Variants in NGLY1 observed in about 807,000 individuals in gnomAD.
NGLY1 encodes N-glycanase 1.
Under a neutral mutation model 84.6 loss-of-function variants are expected in NGLY1, and 68 were observed. That is an observed-to-expected ratio of 0.80 (90% CI 0.66 to 0.98). The LOEUF is 0.98. Among genes scored for constraint, NGLY1 ranks in the 50% least tolerant of loss-of-function variants. The pLI, the probability that NGLY1 is intolerant of heterozygous loss-of-function variation, is 0.00. For missense variants in NGLY1, 779 were observed against 770.2 expected (o/e 1.01, Z -0.14); for synonymous variants, 280 against 275.2 (o/e 1.02, Z -0.17).
At chr3:25,782,612 A>C (rs1208734649) in intron 1 of NGLY1, 1 of 152,212 alleles carries the variant, frequency 6.6e-6, no homozygotes, top group African/African-American at 2.4e-5. Flanking sequence ...TACCTCCACG[A>C]ATTCTTAAAG....
rs908185808 is a variant in NGLY1 at position 25,768,821 on chromosome 3, C to T, written c.247-4510G>A. On this transcript the variant is annotated intron_variant, in intron 2 of 11. Coordinates refer to ENST00000280700, the MANE Select transcript of NGLY1 (RefSeq NM_018297.4). Reference sequence around the variant, plus strand: ...CCTCCCAAAGTGCTGGGATTACAGGCGTGAGCCACGGCGCCTGGCCTCATG... The same window carrying T: ...CCTCCCAAAGTGCTGGGATTACAGGTGTGAGCCACGGCGCCTGGCCTCATG... 4.0e-5 allele frequency among the ~76,000 whole-genome samples: 6 copies of T among 151,648 alleles called. No homozygotes were observed. In the South Asian group the frequency reaches 8.4e-4, roughly 21 times the overall value.
chr3:25,774,650 T>C (rs73059761), intron 2 of NGLY1, among the ~76,000 whole-genome samples: 40 of 152,272 alleles, frequency 2.6e-4, no homozygotes, highest in Non-Finnish European at 5.4e-4. Flanking sequence ...GCTCCACCAA[T>C]AGCACCATGT....
At chr3:25,723,369 A>C (rs540767539) in intron 10 of NGLY1, among the ~76,000 whole-genome samples, 1 of 152,360 alleles carries the variant, frequency 6.6e-6, no homozygotes, top group African/African-American at 2.4e-5. Context: ...CTATGAGCAA[A>C]ATAAAAAAGG....
At chr3:25,763,456 C>T (rs1486522055) in intron 3 of NGLY1, among the ~76,000 whole-genome samples, 1 of 152,148 alleles carries the variant, frequency 6.6e-6, no homozygotes, top group Non-Finnish European at 1.5e-5. Flanking sequence ...TGATGAAGAC[C>T]TAAGGTATTC....
At chr3:25,740,676 A>G (rs1038426110) in intron 4 of NGLY1, among the ~76,000 whole-genome samples, 4 of 152,134 alleles carry the variant, frequency 2.6e-5, no homozygotes, top group African/African-American at 9.7e-5. Context: ...TCAAAATAAA[A>G]AACTACAGAA....
intron 1 of NGLY1, among the ~76,000 whole-genome samples, chr3:25,779,623 T>C (rs1708319537): frequency 6.6e-6 from 1 of 152,164 alleles, no homozygotes; most frequent in South Asian, 2.1e-4. Context: ...ATATGGTGAG[T>C]AGGCAAATGC....
intron 9 of NGLY1, among the ~76,000 whole-genome samples, chr3:25,731,775 T>G (rs1373722541): frequency 1.3e-5 from 2 of 152,116 alleles, no homozygotes; most frequent in African/African-American, 4.8e-5. Flanking sequence ...GCAACATGTA[T>G]CTCACTGACA....
chr3:25,733,755 ATTC>A, intron 8 of NGLY1, 114 bp downstream of exon 8: 1 of 485,998 alleles, frequency 2.1e-6, no homozygotes, highest in Non-Finnish European at 3.4e-6. Flanking sequence ...ATATTAAAAT[ATTC>A]TTGTTTATAA....
chr3:25,748,901 T>TAA (rs552731325), intron 4 of NGLY1, among the ~76,000 whole-genome samples: 46 of 144,256 alleles, frequency 3.2e-4, no homozygotes, highest in African/African-American at 1.2e-3. Context: ...CGTATTCAGG[T>TAA]AAAAAAAAAA....
intron 2 of NGLY1, among the ~76,000 whole-genome samples, chr3:25,772,233 CT>C (rs1472959347): frequency 2.6e-5 from 4 of 152,278 alleles, no homozygotes; most frequent in Non-Finnish European, 5.9e-5. Flanking sequence ...CTGTCTAGTG[CT>C]GTCAGTGAGT....
At chr3:25,738,305 A>G (rs1705944493) in intron 5 of NGLY1, among the ~76,000 whole-genome samples, 1 of 152,148 alleles carries the variant, frequency 6.6e-6, no homozygotes, top group Non-Finnish European at 1.5e-5. Context: ...ACTCTTTTGA[A>G]GTATTTAAAG....
intron 4 of NGLY1, among the ~76,000 whole-genome samples, chr3:25,742,432 A>G (rs1706194594): frequency 6.6e-6 from 1 of 152,230 alleles, no homozygotes. Flanking sequence ...CTGAATATAT[A>G]TGAGATGATA....
chr3:25,757,483 G>A (rs1356976649), intron 3 of NGLY1, among the ~76,000 whole-genome samples: 1 of 152,130 alleles, frequency 6.6e-6, no homozygotes, highest in Non-Finnish European at 1.5e-5. Context: ...AATACTATAT[G>A]ACTGTAAGGA....
At chr3:25,752,153 A>G (rs540162803) in intron 3 of NGLY1, among the ~76,000 whole-genome samples, 38 of 152,368 alleles carry the variant, frequency 2.5e-4, no homozygotes, top group African/African-American at 8.9e-4. Context: ...AACTTTAAAA[A>G]GTTTCAATAG....
At position 25,732,316 on chromosome 3, in the gene NGLY1, T is replaced by C; in HGVS notation, c.1425+3A>G. On this transcript the variant is annotated splice_donor_region_variant and intron_variant, in intron 9 of 11. Coordinates refer to ENST00000280700, the MANE Select transcript of NGLY1 (RefSeq NM_018297.4). ...GATCATCATGCTAGAATGAATTAAA[T>C]ACCTGTAGACCCATTTCACCTCGGG... 1 of 1,611,618 alleles carries C rather than the reference T, an allele frequency of 6.2e-7. No individual in the cohort carries two copies. Among genetic ancestry groups the C allele is most frequent in the Non-Finnish European group, 8.5e-7 (1 of 1,178,708 alleles).
At chr3:25,752,466 C>T (rs1057197755) in intron 3 of NGLY1, among the ~76,000 whole-genome samples, 14 of 151,952 alleles carry the variant, frequency 9.2e-5, no homozygotes, top group African/African-American at 2.2e-4. Flanking sequence ...GTGATCCGCC[C>T]GCCTCAGCCT....
chr3:25,789,067 C>G lies in NGLY1; in HGVS notation c.5+794G>C, dbSNP rs142344623. Among the ~76,000 whole-genome samples the G allele has an allele frequency of 3.4e-3, 514 of 152,310 alleles. 2 individuals are homozygous for G. The highest frequency in any genetic ancestry group is 0.011 in the African/African-American group (474 of 41,556). ...GCTCAACCATTTTTCTAAAGAAGAG[C>G]AAGGACAAAACTCACGCCTGGGATA... is the stretch of plus-strand genomic sequence containing the variant. On this transcript the variant is annotated intron_variant, in intron 1 of 11. Transcript: ENST00000417874.
chr3:25,753,150 G>A (rs1022938840), intron 3 of NGLY1, among the ~76,000 whole-genome samples: 1 of 152,042 alleles, frequency 6.6e-6, no homozygotes, highest in Non-Finnish European at 1.5e-5. Context: ...CAATAGCAAG[G>A]CTAAAAACAA....
chr3:25,755,872 G>C (rs551530199), intron 3 of NGLY1, among the ~76,000 whole-genome samples: 1 of 152,030 alleles, frequency 6.6e-6, no homozygotes, highest in African/African-American at 2.4e-5. Flanking sequence ...TTAAGTACTT[G>C]TTTCTTAATA....
Sources: gnomAD v4.1 joint callset for allele counts (sites outside exome capture counted in the v4.1 genomes callset) on GRCh38, gnomAD v4.1.1 for gene constraint, MANE v1.5 for transcripts, NCBI Gene and HGNC (gene_info 2026-07-23, HGNC 2026-07-21) for gene names.